Variants in ADAMTSL3 observed in about 807,000 individuals in gnomAD.
ADAMTSL3 encodes ADAMTS-like protein 3.
A neutral mutation model predicts 201.7 loss-of-function variants in ADAMTSL3; 128 were observed. The observed-to-expected ratio is 0.63, with a 90% confidence interval of 0.55 to 0.73. The LOEUF is 0.73. Ranked by LOEUF, ADAMTSL3 falls within the 30% of genes least tolerant of loss-of-function variation. The pLI, the probability that ADAMTSL3 is intolerant of heterozygous loss-of-function variation, is 0.00. For synonymous variants in ADAMTSL3, 738 were observed against 748.4 expected (o/e 0.99, Z 0.23); for missense variants, 1,990 against 2,119.6 (o/e 0.94, Z 1.20).
chr15:83,712,384 G>T (rs569693317), intron 3 of ADAMTSL3, among the ~76,000 whole-genome samples: 2 of 152,188 alleles, frequency 1.3e-5, no homozygotes, highest in African/African-American at 4.8e-5. Context: ...TCTCTTGCAG[G>T]CCTCACCAGT....
intron 9 of ADAMTSL3, among the ~76,000 whole-genome samples, chr15:83,871,919 T>C (rs924150691): frequency 6.6e-6 from 1 of 152,196 alleles, no homozygotes; most frequent in Non-Finnish European, 1.5e-5. Context: ...CCCTTTAGCT[T>C]TAAAAAGCTG....
At position 83,915,099 on chromosome 15, in the gene ADAMTSL3, C is replaced by T. The variant is rs541170577; in HGVS notation, c.1987+1721C>T. Among the ~76,000 whole-genome samples the T allele has an allele frequency of 1.7e-3, 255 of 152,330 alleles. 1 individual carries two copies. Among genetic ancestry groups the T allele is most frequent in the Middle Eastern group, 0.01 (3 of 294 alleles). ...TGTCTCCATTGCTTCTGAGTCACCA[C>T]ATTGCTGCAGTCTCACTAGAGACTT... On this transcript the variant is annotated intron_variant, in intron 16 of 29. Coordinates refer to ENST00000286744, the MANE Select transcript of ADAMTSL3 (RefSeq NM_207517.3).
At position 84,036,823 on chromosome 15, in the gene ADAMTSL3, A is replaced by G. The variant is rs142678580; in HGVS notation, c.4805A>G (p.His1602Arg). Residue 1602 changes from histidine (H) to arginine (R), a missense_variant, in exon 29 of 30, where the codon CAC becomes CGC. Transcript: ENST00000286744. ...CTSGACDVCW[H>R]TGPWKPCTAA... ...TCAGGGGCCTGTGATGTGTGTTGGC[A>G]CACAGGCCCTTGGAAGCCCTGTACA... 3.7e-6 allele frequency: 6 copies of G among 1,613,894 alleles called. No homozygotes were observed. The African/African-American group carries it at 8.0e-5, about 22-fold the overall frequency.
chr15:83,870,694 T>A lies in ADAMTSL3; in HGVS notation c.803-108T>A, dbSNP rs1283505175. 3 of 910,786 alleles carry A rather than the reference T, an allele frequency of 3.3e-6. No homozygotes were observed. In the African/African-American group the frequency reaches 5.2e-5, roughly 16 times the overall value. The allele number at this position is 910,786 out of a possible 1,614,324, so 56.4% of individuals were successfully genotyped here. ...AATGTTTGTAAACTGAGTGGCTATTTTGACATTGTTTTGATATCATATACT... is the reference window on the plus strand; with the variant it reads ...AATGTTTGTAAACTGAGTGGCTATTATGACATTGTTTTGATATCATATACT... On this transcript the variant is annotated intron_variant, in intron 8 of 29. Transcript: ENST00000286744.
rs142374008 is a variant in ADAMTSL3 at position 83,659,787 on chromosome 15, T to C, written c.69+3957T>C. Among the ~76,000 whole-genome samples the C allele has an allele frequency of 2.8e-3, 432 of 152,148 alleles. 3 individuals carry two copies. The highest frequency in any genetic ancestry group is 0.01 in the African/African-American group (416 of 41,510). ...GCCACAGGAGAGTCAGAGGCAGAGG[T>C]AGTAGAAGATGCTACCATGGAAGCC... is the stretch of plus-strand genomic sequence containing the variant. On this transcript the variant is annotated intron_variant, in intron 2 of 29. Transcript: ENST00000286744.
intron 4 of ADAMTSL3, among the ~76,000 whole-genome samples, chr15:83,779,856 G>T (rs2063138943): frequency 6.6e-6 from 1 of 152,136 alleles, no homozygotes; most frequent in Non-Finnish European, 1.5e-5. Context: ...ATTTAGGGCA[G>T]AAATCAAGAA....
intron 8 of ADAMTSL3, among the ~76,000 whole-genome samples, chr15:83,869,137 G>C (rs2065034668): frequency 1.3e-5 from 2 of 152,144 alleles, no homozygotes; most frequent in African/African-American, 4.8e-5. Context: ...CTTGTATTTT[G>C]CATGCCTTCT....
chr15:83,781,259 T>C (rs1753389075), intron 4 of ADAMTSL3, among the ~76,000 whole-genome samples: 1 of 152,056 alleles, frequency 6.6e-6, no homozygotes, highest in Non-Finnish European at 1.5e-5. Context: ...GGTGCAAAGA[T>C]GGACACATAG....
intron 19 of ADAMTSL3, among the ~76,000 whole-genome samples, chr15:83,950,193 G>C (rs1483504146): frequency 6.6e-6 from 1 of 152,122 alleles, no homozygotes; most frequent in Non-Finnish European, 1.5e-5. Context: ...TATATTAAGA[G>C]AGAGGGGTCT....
At position 83,903,941 on chromosome 15, in the gene ADAMTSL3, A is replaced by AGG. The variant is rs1169857497; in HGVS notation, c.1700+4210_1700+4211insGG. 9.1e-3 allele frequency among the ~76,000 whole-genome samples: 306 copies of AGG among 33,796 alleles called. 21 individuals are homozygous for AGG. The highest frequency in any genetic ancestry group is 0.011 in the Non-Finnish European group (217 of 20,656). The allele number at this position is 33,796 out of a possible 152,430, so 22.2% of individuals were successfully genotyped here. A position where few individuals can be genotyped will look rare whatever the true frequency, so the allele number is the denominator to read the frequency against. On this transcript the variant is annotated intron_variant, in intron 15 of 29. Transcript: ENST00000286744. ...TCAAAAAAAAAAAAAAAAAAAAAAA[A>AGG]AAAGAAAAAAGAAAGAAAGAAAGAA...
At chr15:83,751,613 G>A (rs2062637927) in intron 3 of ADAMTSL3, among the ~76,000 whole-genome samples, 1 of 152,130 alleles carries the variant, frequency 6.6e-6, no homozygotes, top group Non-Finnish European at 1.5e-5. Flanking sequence ...CAGGAAATTC[G>A]ATGTATATGG....
rs766771749 is a variant in ADAMTSL3, at chr15:83,874,715, C to T, written c.960+3756C>T. 4.9e-5 allele frequency among the ~76,000 whole-genome samples: 7 copies of T among 143,838 alleles called. 1 individual carries two copies. Among genetic ancestry groups the T allele is most frequent in the African/African-American group, 1.6e-4 (6 of 37,356 alleles). The allele number at this position is 143,838 out of a possible 152,430, so 94.4% of individuals were successfully genotyped here. A position where few individuals can be genotyped will look rare whatever the true frequency, so the allele number is the denominator to read the frequency against. On this transcript the variant is annotated intron_variant, in intron 9 of 29. Coordinates refer to ENST00000286744, the MANE Select transcript of ADAMTSL3 (RefSeq NM_207517.3). ...GGGGTCCCAGCCACACCACCGAGAACGTGCAGCAAGACAAGAATGACAGTG... is the reference window on the plus strand; with the variant it reads ...GGGGTCCCAGCCACACCACCGAGAATGTGCAGCAAGACAAGAATGACAGTG...
intron 2 of ADAMTSL3, among the ~76,000 whole-genome samples, chr15:83,673,127 G>A (rs1469894144): frequency 6.6e-6 from 1 of 152,236 alleles, no homozygotes. Flanking sequence ...GGCAGGCGCT[G>A]TTCAGGCCCT....
intron 3 of ADAMTSL3, among the ~76,000 whole-genome samples, chr15:83,713,871 G>A (rs2061965044): frequency 6.6e-6 from 1 of 152,124 alleles, no homozygotes; most frequent in Admixed American, 6.5e-5. Flanking sequence ...TTCCTGGTGG[G>A]TAAAGGCTCC....
chr15:83,937,797 CTT>C (rs1443114850), intron 17 of ADAMTSL3, among the ~76,000 whole-genome samples: 6 of 150,938 alleles, frequency 4.0e-5, no homozygotes, highest in African/African-American at 1.2e-4. Context: ...TAATCTAAAA[CTT>C]GTATCACCTT....
intron 2 of ADAMTSL3, among the ~76,000 whole-genome samples, chr15:83,661,390 A>G (rs1340512420): frequency 1.5e-4 from 22 of 151,632 alleles, no homozygotes; most frequent in South Asian, 8.4e-4. Flanking sequence ...CCATTTTCAC[A>G]ATATTGATTC....
At chr15:83,982,208 A>C (rs529349582) in intron 20 of ADAMTSL3, 65 bp from the exon 21 acceptor site, 54 of 1,325,118 alleles carry the variant, frequency 4.1e-5, no homozygotes, top group Non-Finnish European at 5.2e-5. Context: ...GATTACTGTC[A>C]AAAAGTCTGT....
chr15:83,964,335 C>G (rs2067035779), intron 19 of ADAMTSL3, among the ~76,000 whole-genome samples: 1 of 151,754 alleles, frequency 6.6e-6, no homozygotes, highest in Non-Finnish European at 1.5e-5. Flanking sequence ...ACAAAAATGA[C>G]CTAATGGAGC....
intron 3 of ADAMTSL3, among the ~76,000 whole-genome samples, chr15:83,709,026 A>G (rs2061895701): frequency 6.6e-6 from 1 of 152,200 alleles, no homozygotes; most frequent in Non-Finnish European, 1.5e-5. Flanking sequence ...CACCTAGAAA[A>G]TTATCTCCTA....
Sources: allele counts gnomAD v4.1 joint callset (sites outside exome capture counted in the v4.1 genomes callset), GRCh38; gene constraint gnomAD v4.1.1; transcripts MANE v1.5; gene names NCBI Gene and HGNC (gene_info 2026-07-23, HGNC 2026-07-21).